Variants in IKBIP observed in about 807,000 individuals in gnomAD.
The protein encoded by IKBIP is IKBKB interacting protein, also known as inhibitor of nuclear factor kappa-B kinase-interacting protein.
A neutral mutation model predicts 31.0 loss-of-function variants in IKBIP; 28 were observed. The observed-to-expected ratio is 0.90, with a 90% CI of 0.67 to 1.24. The LOEUF is 1.24. IKBIP is among the 50% of genes most tolerant of loss of function. IKBIP has a pLI of 0.00. For synonymous variants in IKBIP, 164 were observed against 160.3 expected (o/e 1.02, Z -0.17); for missense variants, 453 against 441.9 (o/e 1.03, Z -0.23).
In IKBIP at chr12:98,633,510, C is replaced by CTTTTTTTTTTTTTTTTTTTTT. The variant is rs71432181; in HGVS notation, c.297+765_297+785dup. 2.0e-4 allele frequency among the ~76,000 whole-genome samples: 12 copies of CTTTTTTTTTTTTTTTTTTTTT among 61,394 alleles called. 1 individual carries two copies. Among genetic ancestry groups the CTTTTTTTTTTTTTTTTTTTTT allele is most frequent in the East Asian group, 6.0e-4 (1 of 1,658 alleles). The allele number at this position is 61,394 out of a possible 152,430, so 40.3% of individuals were successfully genotyped here. A position where few individuals can be genotyped will look rare whatever the true frequency, so the allele number is the denominator to read the frequency against. The stretch of plus-strand genomic sequence containing the variant: ...GCTAGCCGTTCTTTTTTTTTTAATT[C>CTTTTTTTTTTTTTTTTTTTTT]TTTTTTTTTTTTTTTTTTTTTTTTG... On this transcript the variant is annotated intron_variant, in intron 2 of 2. Coordinates refer to ENST00000299157, the MANE Select transcript of IKBIP (RefSeq NM_153687.4).
chr12:98,632,592 T>A (rs530424980), intron 2 of IKBIP, among the ~76,000 whole-genome samples: 216 of 122,982 alleles, frequency 1.8e-3, no homozygotes, highest in African/African-American at 6.2e-3. Context: ...TATGTTAGAG[T>A]TCCCCCAACA....
intron 2 of IKBIP, among the ~76,000 whole-genome samples, chr12:98,633,655 T>C (rs1268018619): frequency 1.3e-5 from 2 of 151,788 alleles, no homozygotes; most frequent in East Asian, 3.9e-4. Flanking sequence ...TAGCTGGGAT[T>C]ACAGGCGTGT....
In IKBIP at chr12:98,624,828, A is replaced by G; in HGVS notation, c.*1102T>C. The G allele has an allele frequency of 6.7e-6, 5 of 741,788 alleles. No homozygotes were observed. The highest frequency in any genetic ancestry group is 8.2e-6 in the Non-Finnish European group (5 of 607,778). 46.0% of individuals were successfully genotyped at this position (741,788 alleles called of 1,614,324 possible). On this transcript the variant is annotated 3_prime_UTR_variant, in exon 3 of 3. Coordinates refer to ENST00000299157, the MANE Select transcript of IKBIP (RefSeq NM_153687.4). Reference sequence around the variant, plus strand: ...TATTTATTTATTTATTTATTGAGACAGAGTCTCACTTTGCCACTCAGGCTG... The same window carrying G: ...TATTTATTTATTTATTTATTGAGACGGAGTCTCACTTTGCCACTCAGGCTG...
chr12:98,644,697 G>C lies in IKBIP; in HGVS notation c.5C>G (p.Ser2Cys), dbSNP rs769993350. 1.2e-6 allele frequency: 2 copies of C among 1,609,206 alleles called. No individual in the cohort carries two copies. The highest frequency in any genetic ancestry group is 2.7e-5 in the African/African-American group (2 of 74,436). ...CGACTTCTTCCGGCTCTTCACCTCA[G>C]ACATGTCTGGAGACCCTAGGACGAC... M[S>C]EVKSRKKSGP... The change falls in exon 1 of 3, where the codon TCT (serine) becomes TGT (cysteine). Residue 2 changes from serine (S) to cysteine (C), a missense_variant. Coordinates refer to ENST00000299157, the MANE Select transcript of IKBIP (RefSeq NM_153687.4).
At position 98,625,692 on chromosome 12, in the gene IKBIP, T is replaced by C. The variant is rs1297544607; in HGVS notation, c.*238A>G. 2.8e-5 allele frequency: 7 copies of C among 247,140 alleles called. No homozygotes were observed. The highest frequency in any genetic ancestry group is 4.5e-5 in the Non-Finnish European group (6 of 132,148). 15.3% of individuals were successfully genotyped at this position (247,140 alleles called of 1,614,324 possible). A position where few individuals can be genotyped will look rare whatever the true frequency, so the allele number is the denominator to read the frequency against. On this transcript the variant is annotated 3_prime_UTR_variant, in exon 3 of 3. Transcript: ENST00000299157. ...AAAACATTAAAAATATTAAGTATCTTGTTTTAAAAGTAGAGAAATATTTTT... is the reference window on the plus strand; with the variant it reads ...AAAACATTAAAAATATTAAGTATCTCGTTTTAAAAGTAGAGAAATATTTTT...
At chr12:98,641,246 G>C (rs1593001942) in intron 1 of IKBIP, among the ~76,000 whole-genome samples, 2 of 152,298 alleles carry the variant, frequency 1.3e-5, no homozygotes, top group Middle Eastern at 3.4e-3. Flanking sequence ...ATCAGATGAA[G>C]AGTGAGAGTA....
intron 1 of IKBIP, among the ~76,000 whole-genome samples, chr12:98,637,705 C>T (rs1255597640): frequency 6.6e-6 from 1 of 151,944 alleles, no homozygotes; most frequent in Non-Finnish European, 1.5e-5. Context: ...CCGCGCCCGG[C>T]TTTTTTCTTT....
In IKBIP at chr12:98,626,183, T is replaced by G; in HGVS notation, c.881A>C (p.Glu294Ala). The G allele has an allele frequency of 6.2e-7, 1 of 1,613,878 alleles. No individual in the cohort carries two copies. Among genetic ancestry groups the G allele is most frequent in the Non-Finnish European group, 8.5e-7 (1 of 1,179,842 alleles). ...CATAGTCAAGTCTTCCATTTTCTTT[T>G]CTGTTTCTATCAGATCCTGAGAGAC... ...LRVSQDLIET[E>A]KKMEDLTMQM... Residue 294 changes from glutamate (E) to alanine (A), a missense_variant, in exon 3 of 3, where the codon GAA (glutamate) becomes GCA (alanine). Glu to Ala is a moderately radical substitution (Grantham distance 107). Transcript: ENST00000299157.
intron 1 of IKBIP, among the ~76,000 whole-genome samples, chr12:98,639,406 C>T (rs780475723): frequency 2.0e-5 from 3 of 152,186 alleles, no homozygotes; most frequent in Non-Finnish European, 4.4e-5. Flanking sequence ...TTATAAATCA[C>T]TAAATAAAAA....
At chr12:98,637,501 C>T (rs945116184) in intron 1 of IKBIP, among the ~76,000 whole-genome samples, 3 of 152,186 alleles carry the variant, frequency 2.0e-5, no homozygotes, top group Admixed American at 2.0e-4. Flanking sequence ...CTCTGCCTCC[C>T]GAGTTCAAGT....
rs2097613381 is a variant in IKBIP at position 98,625,451 on chromosome 12, T to C, written c.*479A>G. On this transcript the variant is annotated 3_prime_UTR_variant, in exon 3 of 3. Coordinates refer to ENST00000299157, the MANE Select transcript of IKBIP (RefSeq NM_153687.4). ...GTGTGGATTCTTAACCTGCAGTGAA[T>C]TACCTAAGAAAGTGAACTGGCTGAG... The C allele has an allele frequency of 3.4e-6, 1 of 294,492 alleles. No homozygotes were observed. The highest frequency in any genetic ancestry group is 5.0e-6 in the Non-Finnish European group (1 of 198,492). 18.2% of individuals were successfully genotyped at this position (294,492 alleles called of 1,614,324 possible).
chr12:98,626,042 A>T lies in IKBIP; in HGVS notation c.1022T>A (p.Leu341Gln), dbSNP rs777114707. The T allele has an allele frequency of 1.9e-6, 3 of 1,584,246 alleles. No homozygotes were observed. In the African/African-American group the frequency reaches 4.1e-5, roughly 21 times the overall value. The change falls in exon 3 of 3, where the codon CTG (leucine) becomes CAG (glutamine). Residue 341 changes from leucine (L) to glutamine (Q), a missense_variant. Coordinates refer to ENST00000299157, the MANE Select transcript of IKBIP (RefSeq NM_153687.4). ...ATGAACTTTTTCTTTTAGAATATCC[A>T]GTTCATTTTGCATCTTTAATATGCT... Reference protein sequence around the residue: ...DNSILKMQNELDILKEKVHDF... With the variant: ...DNSILKMQNEQDILKEKVHDF...
intron 1 of IKBIP, among the ~76,000 whole-genome samples, chr12:98,643,047 A>G (rs1176180974): frequency 6.7e-6 from 1 of 149,520 alleles, no homozygotes; most frequent in East Asian, 2.0e-4. Flanking sequence ...CCACCTCCCC[A>G]TTTCGAGTGA....
Position 98,626,860 on chromosome 12 carries a change from C to T in IKBIP, c.298-94G>A, listed in dbSNP as rs1056912486. On this transcript the variant is annotated intron_variant, in intron 2 of 2. Transcript: ENST00000299157. ...ACAATCAGGAGCATAACACATGCCA[C>T]GTTAAAATTCTGAAGATGTCTAAAA... is the stretch of plus-strand genomic sequence containing the variant. The T allele has an allele frequency of 5.5e-6, 5 of 908,738 alleles. No individual in the cohort carries two copies. The African/African-American group carries it at 6.7e-5, about 12-fold the overall frequency. 56.3% of individuals were successfully genotyped at this position (908,738 alleles called of 1,614,324 possible). A position where few individuals can be genotyped will look rare whatever the true frequency, so the allele number is the denominator to read the frequency against.
chr12:98,625,849 G>A lies in IKBIP; in HGVS notation c.*81C>T. On this transcript the variant is annotated 3_prime_UTR_variant, in exon 3 of 3. Coordinates refer to ENST00000299157, the MANE Select transcript of IKBIP (RefSeq NM_153687.4). ...TTTCCAATAATGTAGGATAAGATGAGGCGTATCAAAGTAACTCAAAATCAA... is the reference window on the plus strand; with the variant it reads ...TTTCCAATAATGTAGGATAAGATGAAGCGTATCAAAGTAACTCAAAATCAA... 1.7e-6 allele frequency: 2 copies of A among 1,150,310 alleles called. No homozygotes were observed. 71.3% of individuals were successfully genotyped at this position (1,150,310 alleles called of 1,614,324 possible).
At chr12:98,632,272 C>T (rs565269600) in intron 2 of IKBIP, among the ~76,000 whole-genome samples, 7 of 151,012 alleles carry the variant, frequency 4.6e-5, no homozygotes, top group Non-Finnish European at 7.4e-5. Flanking sequence ...AGTTTGATAC[C>T]AGCCTGGGCA....
chr12:98,613,518 T>C (rs1240300149), exon 3 of IKBIP: 3 of 707,638 alleles, frequency 4.2e-6, no homozygotes, highest in Non-Finnish European at 6.7e-6. Flanking sequence ...TTATTTTTGA[T>C]TTACCAGTCT....
At chr12:98,617,080 C>G (rs1395297111) in intron 2 of IKBIP, among the ~76,000 whole-genome samples, 2 of 152,208 alleles carry the variant, frequency 1.3e-5, no homozygotes, top group Admixed American at 6.5e-5. Context: ...TCTGGCCTAT[C>G]TAACTATCCA....
At chr12:98,635,219 C>T (rs2097624780) in intron 1 of IKBIP, among the ~76,000 whole-genome samples, 1 of 151,282 alleles carries the variant, frequency 6.6e-6, no homozygotes, top group South Asian at 2.1e-4. Context: ...GTTGGCTAGG[C>T]TGGTTTTGAA....
Sources: gnomAD v4.1 joint callset for allele counts (sites outside exome capture counted in the v4.1 genomes callset) on GRCh38, gnomAD v4.1.1 for gene constraint, MANE v1.5 for transcripts, NCBI Gene and HGNC (gene_info 2026-07-23, HGNC 2026-07-21) for gene names.